Variants in SLC36A1 observed in about 807,000 individuals in gnomAD.
The protein encoded by SLC36A1 is solute carrier family 36 member 1, also known as proton-coupled amino acid transporter 1.
A neutral mutation model predicts 47.5 loss-of-function variants in SLC36A1; 30 were observed. The ratio of observed to expected loss-of-function variants is 0.63; its 90% confidence interval spans 0.47 to 0.86. SLC36A1 has a LOEUF of 0.86. Ranked by LOEUF, SLC36A1 falls within the 40% of genes least tolerant of loss-of-function variation. SLC36A1 has a pLI of 0.00. For missense variants in SLC36A1, 517 were observed against 606.0 expected (o/e 0.85, Z 1.54); for synonymous variants, 255 against 249.7 (o/e 1.02, Z -0.20).
chr5:151,352,623 A>G, the SLC36A1 span, among the ~76,000 whole-genome samples: 8 of 152,222 alleles, frequency 5.3e-5, no homozygotes, highest in Non-Finnish European at 1.2e-4. Flanking sequence ...TCCAGAGGCT[A>G]TGAAGGAAAA....
At chr5:151,544,816 GC>G in the SLC36A1 span, 1 of 1,614,154 alleles carries the variant, frequency 6.2e-7, no homozygotes, top group Non-Finnish European at 8.5e-7. Context: ...ATATGTAACA[GC>G]CCCATTTGTC....
chr5:151,394,641 G>T, the SLC36A1 span, among the ~76,000 whole-genome samples: 1 of 152,226 alleles, frequency 6.6e-6, no homozygotes, highest in African/African-American at 2.4e-5. Context: ...TCATTTGCAG[G>T]TCTGTTGGAG....
chr5:151,552,939 A>T, the SLC36A1 span, among the ~76,000 whole-genome samples: 1 of 152,198 alleles, frequency 6.6e-6, no homozygotes, highest in Non-Finnish European at 1.5e-5. Context: ...GGCACTGCCA[A>T]CTCTGGCTGG....
At chr5:151,375,451 T>C in the SLC36A1 span, among the ~76,000 whole-genome samples, 7 of 152,218 alleles carry the variant, frequency 4.6e-5, no homozygotes, top group Non-Finnish European at 7.3e-5. Context: ...CATGCTGTTT[T>C]GGTTACTATA....
At chr5:151,382,951 A>T in the SLC36A1 span, among the ~76,000 whole-genome samples, 1 of 152,170 alleles carries the variant, frequency 6.6e-6, no homozygotes, top group Non-Finnish European at 1.5e-5. Flanking sequence ...AGGAATGGGG[A>T]TATCTGAAAA....
intron 2 of SLC36A1, among the ~76,000 whole-genome samples, chr5:151,462,688 A>T (rs1436636730): frequency 2.0e-5 from 3 of 150,996 alleles, no homozygotes; most frequent in Admixed American, 1.3e-4. Context: ...TTTAAATACT[A>T]AATGTATCAG....
chr5:151,538,000 A>G, the SLC36A1 span: 1 of 1,521,446 alleles, frequency 6.6e-7, no homozygotes, highest in East Asian at 2.3e-5. Context: ...ATTCAGATCC[A>G]GAGAGAAGCA....
chr5:151,404,321 G>A, the SLC36A1 span, among the ~76,000 whole-genome samples: 2 of 152,104 alleles, frequency 1.3e-5, no homozygotes, highest in Non-Finnish European at 2.9e-5. Context: ...CATGTGAAAT[G>A]GGTCTCTTGA....
the SLC36A1 span, among the ~76,000 whole-genome samples, chr5:151,520,436 A>T: frequency 6.6e-6 from 1 of 152,218 alleles, no homozygotes; most frequent in African/African-American, 2.4e-5. Flanking sequence ...TTCCAACTGC[A>T]GATGGGGCTA....
upstream of SLC36A1, among the ~76,000 whole-genome samples, chr5:151,433,247 TATATATATATA>T (rs1759515257): frequency 6.9e-5 from 1 of 14,438 alleles, no homozygotes; most frequent in Non-Finnish European, 1.6e-4. Flanking sequence ...TATATATATA[TATATATATATA>T]TATATATATT....
chr5:151,480,564 G>T (rs1758664641), intron 10 of SLC36A1, among the ~76,000 whole-genome samples: 1 of 152,158 alleles, frequency 6.6e-6, no homozygotes, highest in Non-Finnish European at 1.5e-5. Flanking sequence ...AGGGGCCAGG[G>T]CTGTTGAAAG....
intron 10 of SLC36A1, among the ~76,000 whole-genome samples, chr5:151,484,368 A>T (rs1013636323): frequency 5.9e-5 from 9 of 152,190 alleles, no homozygotes; most frequent in African/African-American, 2.2e-4. Flanking sequence ...CTTTATCCAT[A>T]CAAAACCGAG....
At chr5:151,424,737 C>G in the SLC36A1 span, among the ~76,000 whole-genome samples, 1 of 151,976 alleles carries the variant, frequency 6.6e-6, no homozygotes. Flanking sequence ...CTAAAGTTTA[C>G]AAAATAATCT....
intron 8 of SLC36A1, among the ~76,000 whole-genome samples, chr5:151,474,159 C>CATAAAAAAAAAAAAAAA (rs1757716117): frequency 1.7e-5 from 1 of 59,958 alleles, no homozygotes; most frequent in African/African-American, 8.3e-5. Context: ...GACTCTGTCT[C>CATAAAAAAAAAAAAAAA]AAAAAAAAAA....
the SLC36A1 span, among the ~76,000 whole-genome samples, chr5:151,422,814 T>G: frequency 9.2e-5 from 14 of 152,096 alleles, no homozygotes; most frequent in African/African-American, 3.4e-4. Flanking sequence ...TAGTGGCACG[T>G]GTCTGTAATC....
chr5:151,364,311 T>A, the SLC36A1 span, among the ~76,000 whole-genome samples: 3 of 152,362 alleles, frequency 2.0e-5, no homozygotes, highest in East Asian at 1.9e-4. Context: ...ATATTTATTT[T>A]AAAAAATCCA....
the SLC36A1 span, among the ~76,000 whole-genome samples, chr5:151,500,516 C>T: frequency 4.6e-5 from 7 of 152,246 alleles, no homozygotes; most frequent in African/African-American, 7.2e-5. Flanking sequence ...TACAGGCACA[C>T]GCCACCATGC....
chr5:151,524,061 C>T, the SLC36A1 span, among the ~76,000 whole-genome samples: 1 of 152,142 alleles, frequency 6.6e-6, no homozygotes, highest in South Asian at 2.1e-4. Context: ...GTCTCAGCCC[C>T]ACTATCTCCA....
At chr5:151,367,352 C>T in the SLC36A1 span, among the ~76,000 whole-genome samples, 1 of 90,612 alleles carries the variant, frequency 1.1e-5, no homozygotes, top group Non-Finnish European at 2.2e-5. Context: ...GACCTCCCCC[C>T]AGGAATGCAT....
Sources: allele counts gnomAD v4.1 joint callset (sites outside exome capture counted in the v4.1 genomes callset), GRCh38; gene constraint gnomAD v4.1.1; transcripts MANE v1.5; gene names NCBI Gene and HGNC (gene_info 2026-07-23, HGNC 2026-07-21).